The following FBXL16 variants were observed in gnomAD, a reference collection of about 807,000 sequenced individuals.
FBXL16 encodes F-box and leucine rich repeat protein 16, also known as F-box/LRR-repeat protein 16.
FBXL16 carries 7 observed loss-of-function variants against 36.7 expected under a neutral mutation model. The ratio of observed to expected loss-of-function variants is 0.19; its 90% confidence interval spans 0.11 to 0.36. The LOEUF (loss-of-function observed/expected upper bound fraction) is 0.36. Among genes scored for constraint, FBXL16 ranks in the 10% least tolerant of loss-of-function variants. The pLI is 1.00. For synonymous variants in FBXL16, 355 were observed against 308.7 expected (o/e 1.15, Z -1.57); for missense variants, 463 against 659.4 (o/e 0.70, Z 3.26).
chr16:694,540 TGTGAGTTTGC>T, intron 5 of FBXL16, 84 bp downstream of exon 5: 1 of 1,515,484 alleles, frequency 6.6e-7, no homozygotes, highest in East Asian at 2.5e-5. Flanking sequence ...CCGCGCCGGG[TGTGAGTTTGC>T]ACAAGGACCG....
intron 5 of FBXL16, 78 bp downstream of exon 5, chr16:694,556 G>A: frequency 6.5e-7 from 1 of 1,528,554 alleles, no homozygotes; most frequent in East Asian, 2.4e-5. Context: ...TTTGCACAAG[G>A]ACCGGGCAGG....
At chr16:701,378 C>A (rs955649970) in intron 1 of FBXL16, among the ~76,000 whole-genome samples, 2 of 152,226 alleles carry the variant, frequency 1.3e-5, no homozygotes, top group Non-Finnish European at 2.9e-5. Context: ...AATCTCGCGT[C>A]CACGTTCCTG....
At chr16:698,685 G>A (rs1479190537) in intron 1 of FBXL16, among the ~76,000 whole-genome samples, 2 of 152,182 alleles carry the variant, frequency 1.3e-5, no homozygotes, top group African/African-American at 2.4e-5. Flanking sequence ...GGGAGGCTGA[G>A]GTGGGTGGAT....
chr16:697,471 C>T lies in FBXL16; in HGVS notation c.-14-52G>A. On this transcript the variant is annotated intron_variant, in intron 1 of 5. Coordinates refer to ENST00000397621, the MANE Select transcript of FBXL16 (RefSeq NM_153350.4). The surrounding 1 kb of genome is among the most constrained non-coding windows in gnomAD (Gnocchi z 4.6). ...TGAGTCTGTTGCTGAGTCTGGAAGG[C>T]CGGGGTTGGGGGCGGGTGCAGTGGG... is the stretch of plus-strand genomic sequence containing the variant. 2.0e-6 allele frequency: 3 copies of T among 1,477,596 alleles called. No homozygotes were observed. The South Asian group carries it at 4.0e-5, about 20-fold the overall frequency. The allele number at this position is 1,477,596 out of a possible 1,614,324, so 91.5% of individuals were successfully genotyped here. A position where few individuals can be genotyped will look rare whatever the true frequency, so the allele number is the denominator to read the frequency against.
At chr16:704,435 G>T (rs1180779420) in intron 1 of FBXL16, among the ~76,000 whole-genome samples, 1 of 152,232 alleles carries the variant, frequency 6.6e-6, no homozygotes, top group African/African-American at 2.4e-5. Flanking sequence ...CCCCCACACA[G>T]CGATGTTTGC....
intron 1 of FBXL16, among the ~76,000 whole-genome samples, chr16:705,144 C>G (rs1217988761): frequency 6.6e-6 from 1 of 152,214 alleles, no homozygotes; most frequent in Non-Finnish European, 1.5e-5. Context: ...TTAACGGTCT[C>G]TGGCCTGTCA....
chr16:694,340 CG>C lies in FBXL16; in HGVS notation c.1374del (p.Ala460ProfsTer282). On this transcript the variant is annotated frameshift_variant, in exon 6 of 6. Coordinates refer to ENST00000397621, the MANE Select transcript of FBXL16 (RefSeq NM_153350.4). LOFTEE classifies it high-confidence loss of function. ...ELEELELTNCPGATPELFKYF... is the reference protein window; with the variant it reads ...ELEELELTNCXGATPELFKYF... ...TACTTGAAGAGCTCGGGGGTGGCCC[CG>C]GGGCAGTTGGTCAGCTCCAGCTCCT... 1 of 1,519,854 alleles carries C rather than the reference CG, an allele frequency of 6.6e-7. No individual in the cohort carries two copies. The highest frequency in any genetic ancestry group is 1.3e-5 in the South Asian group (1 of 79,804). 94.1% of individuals were successfully genotyped at this position (1,519,854 alleles called of 1,614,324 possible). A position where few individuals can be genotyped will look rare whatever the true frequency, so the allele number is the denominator to read the frequency against.
At position 693,041 on chromosome 16, in the gene FBXL16, G is replaced by GATTT. The variant is rs2039982649; in HGVS notation, c.*1233_*1234insAAAT. On this transcript the variant is annotated 3_prime_UTR_variant, in exon 6 of 6. Coordinates refer to ENST00000397621, the MANE Select transcript of FBXL16 (RefSeq NM_153350.4). ...CTGGGGCTCAAGGTTGGGATGGGAAGGGGTCCCAGCCCCCTCCTCAGCAAC... is the reference window on the plus strand; with the variant it reads ...CTGGGGCTCAAGGTTGGGATGGGAAGATTTGGGTCCCAGCCCCCTCCTCAGCAAC... 6.6e-6 allele frequency: 1 copy of GATTT among 152,190 alleles called. No individual in the cohort carries two copies. The highest frequency in any genetic ancestry group is 2.4e-5 in the African/African-American group (1 of 41,434). 9.4% of individuals were successfully genotyped at this position (152,190 alleles called of 1,614,324 possible).
In FBXL16 at chr16:694,040, G is replaced by C; in HGVS notation, c.*235C>G. ...AGGGGCATGCACAAAGTCCCCGAGT[G>C]TGCGTGCGTGCGTGGGGCGGGCCCA... On this transcript the variant is annotated 3_prime_UTR_variant, in exon 6 of 6. Transcript: ENST00000397621. The C allele has an allele frequency of 4.7e-6, 1 of 213,526 alleles. No homozygotes were observed. Among genetic ancestry groups the C allele is most frequent in the Middle Eastern group, 1.6e-3 (1 of 638 alleles). 13.2% of individuals were successfully genotyped at this position (213,526 alleles called of 1,614,324 possible).
intron 2 of FBXL16, 177 bp from the exon 3 acceptor site, chr16:696,100 T>C (rs917846451): frequency 8.9e-6 from 8 of 900,936 alleles, no homozygotes; most frequent in Non-Finnish European, 1.3e-5. Flanking sequence ...GCTGGGGGCG[T>C]TGGCACCAGC....
rs768047585 is a variant in FBXL16, at chr16:695,942, C to T, written c.634-19G>A. ...GCATAACCTGCAGGCGGGCGGGCGCCGGGTCAGGATTGCAGGAGAAGGGGT... is the reference window on the plus strand; with the variant it reads ...GCATAACCTGCAGGCGGGCGGGCGCTGGGTCAGGATTGCAGGAGAAGGGGT... On this transcript the variant is annotated intron_variant, in intron 2 of 5. Transcript: ENST00000397621. 1.1e-4 allele frequency: 178 copies of T among 1,562,138 alleles called. No homozygotes were observed. The Admixed American group carries it at 2.8e-3, about 25-fold the overall frequency.
In FBXL16 at chr16:694,398, C is replaced by G; in HGVS notation, c.1317G>C (p.Gly439=). ...LAGCPLLTTT[G]LSGLVQLQEL... is the part of the protein sequence containing the mutation. ...CCTGCAGCTGCACCAGGCCCGACAG[C>G]CCGGTGGTGGTGAGCAGCGGGCAGC... Residue 439 remains glycine, a synonymous_variant, in exon 6 of 6, where the codon GGG becomes GGC. Transcript: ENST00000397621. The G allele has an allele frequency of 6.5e-7, 1 of 1,549,714 alleles. No individual in the cohort carries two copies. Among genetic ancestry groups the G allele is most frequent in the East Asian group, 2.5e-5 (1 of 39,982 alleles).
chr16:697,256 T>C lies in FBXL16; in HGVS notation c.150A>G (p.Pro50=). ...PATKNRPCQP[P]PPPTLPPPSL... ...TGGGTGGTGGGAGGGTGGGTGGGGG[T>C]GGTGGCTGGCAGGGGCGGTTCTTGG... Residue 50 remains proline, a synonymous_variant, in exon 2 of 6, where the codon CCA becomes CCG. Coordinates refer to ENST00000397621, the MANE Select transcript of FBXL16 (RefSeq NM_153350.4). This position sits in a 1 kb window ranked among gnomAD's most constrained non-coding sequence, Gnocchi z 4.6. The C allele has an allele frequency of 1.2e-5, 1 of 83,546 alleles. No homozygotes were observed. Among genetic ancestry groups the C allele is most frequent in the South Asian group, 8.0e-5 (1 of 12,488 alleles). 5.2% of individuals were successfully genotyped at this position (83,546 alleles called of 1,614,324 possible). A position where few individuals can be genotyped will look rare whatever the true frequency, so the allele number is the denominator to read the frequency against.
At chr16:698,120 C>CA (rs1341926994) in intron 1 of FBXL16, among the ~76,000 whole-genome samples, 1 of 152,124 alleles carries the variant, frequency 6.6e-6, no homozygotes, top group Non-Finnish European at 1.5e-5. Flanking sequence ...TCTCCTGCCT[C>CA]AGCCTCCCGT....
rs550261943 is a variant in FBXL16 at position 695,328 on chromosome 16, C to A, written c.1142+87G>T. Reference sequence around the variant, plus strand: ...GCCCCAGCCCCGCCGGAAGCCCCCGCCCCCGGCCCCGTGCAGCCCCGCCCC... The same window carrying A: ...GCCCCAGCCCCGCCGGAAGCCCCCGACCCCGGCCCCGTGCAGCCCCGCCCC... On this transcript the variant is annotated intron_variant, in intron 3 of 5. Coordinates refer to ENST00000397621, the MANE Select transcript of FBXL16 (RefSeq NM_153350.4). The A allele has an allele frequency of 1.2e-3, 1,281 of 1,071,952 alleles. 17 individuals carry two copies. In the African/African-American group the frequency reaches 0.02, roughly 17 times the overall value. The allele number at this position is 1,071,952 out of a possible 1,614,324, so 66.4% of individuals were successfully genotyped here.
intron 1 of FBXL16, among the ~76,000 whole-genome samples, chr16:704,477 C>A (rs56824938): frequency 0.23 from 35,483 of 152,176 alleles, 4,874 homozygotes; most frequent in East Asian, 0.63. Context: ...CCCCTCCAGG[C>A]GGCTCCAGGT....
rs1472223640 is a variant in FBXL16, at chr16:694,235, G to C, written c.*40C>G. 7 of 1,293,222 alleles carry C rather than the reference G, an allele frequency of 5.4e-6. No homozygotes were observed. In the South Asian group the frequency reaches 1.4e-4, roughly 25 times the overall value. The allele number at this position is 1,293,222 out of a possible 1,614,324, so 80.1% of individuals were successfully genotyped here. On this transcript the variant is annotated 3_prime_UTR_variant, in exon 6 of 6. Coordinates refer to ENST00000397621, the MANE Select transcript of FBXL16 (RefSeq NM_153350.4). Reference sequence around the variant, plus strand: ...GGCGGCGCCCCGCGCCCCCGCCCAGGTCATGGCCGGGTTCCCGCGACCGGG... The same window carrying C: ...GGCGGCGCCCCGCGCCCCCGCCCAGCTCATGGCCGGGTTCCCGCGACCGGG...
In FBXL16 at chr16:695,020, C is replaced by T; in HGVS notation, c.1199G>A (p.Arg400His). The T allele has an allele frequency of 1.3e-6, 2 of 1,566,512 alleles. No homozygotes were observed. Among genetic ancestry groups the T allele is most frequent in the Non-Finnish European group, 8.7e-7 (1 of 1,151,044 alleles). ...GCAGCACCATCGCAGGTAGAGGCTGCGGAGGGACGACATGGTGGACAGATA... is the reference window on the plus strand; with the variant it reads ...GCAGCACCATCGCAGGTAGAGGCTGTGGAGGGACGACATGGTGGACAGATA... The part of the protein sequence containing the change: ...LSYLSTMSSL[R>H]SLYLRWCCQV... The change falls in exon 4 of 6, where the codon CGC becomes CAC. Residue 400 changes from arginine to histidine, a missense_variant. This residue lies in a region of FBXL16 where 134 missense variants were observed against 172.0 expected (regional missense o/e 0.78). Coordinates refer to ENST00000397621, the MANE Select transcript of FBXL16 (RefSeq NM_153350.4).
chr16:704,086 A>G (rs902441478), intron 1 of FBXL16, among the ~76,000 whole-genome samples: 11 of 152,206 alleles, frequency 7.2e-5, no homozygotes, highest in African/African-American at 2.4e-4. Flanking sequence ...CTGCCAATCC[A>G]GTCATGGGAG....
Sources: allele counts gnomAD v4.1 joint callset (sites outside exome capture counted in the v4.1 genomes callset), GRCh38; gene constraint gnomAD v4.1.1; regional missense constraint gnomAD v4.1.1; non-coding constraint Gnocchi (gnomAD v3.1); transcripts MANE v1.5; gene names NCBI Gene and HGNC (gene_info 2026-07-23, HGNC 2026-07-21).